The following EPHA5 variants were observed in gnomAD, a reference collection of about 807,000 sequenced individuals.
The protein encoded by EPHA5 is EPH receptor A5, also known as ephrin type-A receptor 5.
In EPHA5, 60 loss-of-function variants were observed where a neutral mutation model predicts 105.0. The ratio of observed to expected loss-of-function variants is 0.57; its 90% CI spans 0.46 to 0.71. EPHA5 has a LOEUF of 0.71. Ranked by LOEUF, EPHA5 falls within the 30% of genes least tolerant of loss-of-function variation. EPHA5 has a pLI of 0.00. For synonymous variants in EPHA5, 513 were observed against 449.1 expected (o/e 1.14, Z -1.80); for missense variants, 1,218 against 1,274.7 (o/e 0.96, Z 0.68).
At chr4:65,456,012 A>G (rs546658935) in intron 5 of EPHA5, among the ~76,000 whole-genome samples, 9 of 152,328 alleles carry the variant, frequency 5.9e-5, no homozygotes, top group African/African-American at 1.9e-4. Flanking sequence ...ATCAGATTTC[A>G]GAAGCCATTC....
chr4:65,527,401 T>C (rs1578340262), intron 3 of EPHA5, among the ~76,000 whole-genome samples: 1 of 152,174 alleles, frequency 6.6e-6, no homozygotes, highest in Non-Finnish European at 1.5e-5. Context: ...AAAACAATAA[T>C]ATGTTCTGAA....
intron 2 of EPHA5, among the ~76,000 whole-genome samples, chr4:65,627,458 G>A (rs377221994): frequency 1.6e-4 from 24 of 152,062 alleles, no homozygotes; most frequent in African/African-American, 5.6e-4. Context: ...TTTATTTTCT[G>A]TTTCAGATAA....
intron 3 of EPHA5, among the ~76,000 whole-genome samples, chr4:65,591,060 T>G (rs1742593265): frequency 6.6e-6 from 1 of 152,110 alleles, no homozygotes; most frequent in Non-Finnish European, 1.5e-5. Flanking sequence ...CCTTATTAGC[T>G]TACTGACCTT....
chr4:65,634,858 A>G (rs550030344), intron 2 of EPHA5, among the ~76,000 whole-genome samples: 1 of 152,198 alleles, frequency 6.6e-6, no homozygotes, highest in Admixed American at 6.5e-5. Context: ...GCAAAGCCAA[A>G]ATAAGGTTCT....
At chr4:65,331,383 C>T (rs939344269) in intron 16 of EPHA5, 13 of 1,042,344 alleles carry the variant, frequency 1.2e-5, no homozygotes, top group African/African-American at 1.7e-5. Context: ...CTTAAACGTG[C>T]AAACAGAAAA....
At chr4:65,524,411 T>C (rs905322030) in intron 3 of EPHA5, among the ~76,000 whole-genome samples, 1 of 151,844 alleles carries the variant, frequency 6.6e-6, no homozygotes, top group African/African-American at 2.4e-5. Flanking sequence ...CACATTCTTA[T>C]GCTCTTCATA....
At chr4:65,607,511 A>G (rs1438136718) in intron 2 of EPHA5, among the ~76,000 whole-genome samples, 5 of 152,280 alleles carry the variant, frequency 3.3e-5, no homozygotes, top group South Asian at 2.1e-4. Flanking sequence ...AACATCAAAA[A>G]GTGGGCAAAG....
chr4:65,641,253 C>T (rs548948933), intron 2 of EPHA5, among the ~76,000 whole-genome samples: 4 of 152,208 alleles, frequency 2.6e-5, no homozygotes, highest in South Asian at 2.1e-4. Flanking sequence ...AGAAAGGACA[C>T]GGAGCAAGTA....
intron 14 of EPHA5, among the ~76,000 whole-genome samples, chr4:65,346,497 A>G (rs1182027884): frequency 6.6e-6 from 1 of 152,018 alleles, no homozygotes; most frequent in Non-Finnish European, 1.5e-5. Flanking sequence ...TCCACCTCAC[A>G]TGTATATTTT....
At chr4:65,447,226 T>A (rs1726637263) in intron 5 of EPHA5, among the ~76,000 whole-genome samples, 1 of 151,954 alleles carries the variant, frequency 6.6e-6, no homozygotes, top group African/African-American at 2.4e-5. Context: ...AGGCTGTAAA[T>A]AAAACAGTTA....
chr4:65,584,757 A>G (rs1305906399), intron 3 of EPHA5, among the ~76,000 whole-genome samples: 2 of 151,952 alleles, frequency 1.3e-5, no homozygotes, highest in African/African-American at 4.8e-5. Context: ...TTTACAAGAT[A>G]AAAAGGATCA....
Position 65,352,870 on chromosome 4 carries a change from C to T in EPHA5, c.2235+172G>A, listed in dbSNP as rs1178730867. On this transcript the variant is annotated intron_variant, in intron 12 of 16. Transcript: ENST00000613740. ...TTTGTGTGAGTTTTCTGAAACAAAC[C>T]TATGTTCATTTTGGAGTGTAATTAT... is the stretch of plus-strand genomic sequence containing the variant. Among the ~76,000 whole-genome samples the T allele has an allele frequency of 3.3e-5, 5 of 151,110 alleles. No individual in the cohort carries two copies. The East Asian group carries it at 9.7e-4, about 29-fold the overall frequency.
intron 2 of EPHA5, among the ~76,000 whole-genome samples, chr4:65,631,753 T>C: frequency 6.6e-6 from 1 of 150,972 alleles, no homozygotes; most frequent in East Asian, 1.9e-4. Context: ...ATAATAATAA[T>C]AAAAGAGATT....
intron 3 of EPHA5, among the ~76,000 whole-genome samples, chr4:65,569,933 T>A (rs1739947793): frequency 6.6e-6 from 1 of 151,786 alleles, no homozygotes; most frequent in Admixed American, 6.6e-5. Context: ...CTATAGATGA[T>A]GCCCTCTCTA....
At chr4:65,543,467 T>A (rs1350519892) in intron 3 of EPHA5, among the ~76,000 whole-genome samples, 2 of 151,928 alleles carry the variant, frequency 1.3e-5, no homozygotes, top group African/African-American at 4.8e-5. Flanking sequence ...GTAACTCCCA[T>A]TAACAATTGC....
At chr4:65,550,332 C>A (rs1407226751) in intron 3 of EPHA5, among the ~76,000 whole-genome samples, 1 of 151,866 alleles carries the variant, frequency 6.6e-6, no homozygotes, top group Non-Finnish European at 1.5e-5. Context: ...ATATGTTGAA[C>A]CATTACAAAT....
intron 2 of EPHA5, among the ~76,000 whole-genome samples, chr4:65,640,282 C>CTTTTTTTTTTTTTTT (rs869149037): frequency 2.6e-4 from 24 of 92,232 alleles, no homozygotes; most frequent in East Asian, 3.5e-4. Flanking sequence ...TCAGTTTTTT[C>CTTTTTTTTTTTTTTT]TTTTTTTTTT....
intron 3 of EPHA5, among the ~76,000 whole-genome samples, chr4:65,516,161 C>A (rs993572710): frequency 6.6e-6 from 1 of 152,230 alleles, no homozygotes; most frequent in South Asian, 2.1e-4. Context: ...CTAAAATCGA[C>A]CTATAACTTT....
At chr4:65,527,472 A>ATGTT (rs751950648) in intron 3 of EPHA5, among the ~76,000 whole-genome samples, 26 of 152,254 alleles carry the variant, frequency 1.7e-4, no homozygotes, top group Admixed American at 3.3e-4. Flanking sequence ...CTTCAGGATA[A>ATGTT]TGTTTACGTT....
Sources: allele counts gnomAD v4.1 joint callset (sites outside exome capture counted in the v4.1 genomes callset), GRCh38; gene constraint gnomAD v4.1.1; transcripts MANE v1.5; gene names NCBI Gene and HGNC (gene_info 2026-07-23, HGNC 2026-07-21).